IL1R2: variants seen among roughly 807,000 people sequenced by gnomAD.
The protein encoded by IL1R2 is interleukin-1 receptor type 2.
Under a neutral mutation model 39.5 loss-of-function variants are expected in IL1R2, and 46 were observed. That is an observed-to-expected ratio of 1.16 (90% CI 0.92 to 1.49). The LOEUF (loss-of-function observed/expected upper bound fraction) is 1.49, where lower values mean the gene tolerates loss of function less well. Ranked by LOEUF, IL1R2 falls within the 40% of genes most tolerant of loss-of-function variation. The pLI is 0.00. For missense variants in IL1R2, 537 were observed against 502.0 expected, an observed-to-expected ratio of 1.07 and a Z score of -0.67; for synonymous variants, 207 against 189.6, an observed-to-expected ratio of 1.09 and a Z score of -0.75.
At chr2:101,994,572 CTAA>C (rs1675499218) in intron 1 of IL1R2, among the ~76,000 whole-genome samples, 1 of 152,172 alleles carries the variant, frequency 6.6e-6, no homozygotes, top group Admixed American at 6.5e-5. Flanking sequence ...ATCTGCATTT[CTAA>C]TAAGTGTCCA....
Position 102,009,631 on chromosome 2 carries a change from T to C in IL1R2, c.137T>C (p.Val46Ala), listed in dbSNP as rs772776365. 11 of 1,614,054 alleles carry C rather than the reference T, an allele frequency of 6.8e-6. No homozygotes were observed. Among genetic ancestry groups the C allele is most frequent in the African/African-American group, 2.7e-5 (2 of 74,912 alleles). The change falls in exon 3 of 9, where the codon GTA becomes GCA. Residue 46 changes from valine to alanine, a missense_variant. Coordinates refer to ENST00000332549, the MANE Select transcript of IL1R2 (RefSeq NM_004633.4). ...KREFRLEGEP[V>A]ALRCPQVPYW... ...GAGTTCAGGCTGGAAGGGGAGCCTG[T>C]AGCCCTGAGGTGCCCCCAGGTGCCC...
intron 6 of IL1R2, among the ~76,000 whole-genome samples, chr2:102,022,834 G>C (rs973108611): frequency 8.5e-5 from 13 of 152,242 alleles, no homozygotes; most frequent in African/African-American, 3.1e-4. Context: ...GTACGTAAGT[G>C]TACTGTACTA....
At position 102,009,682 on chromosome 2, in the gene IL1R2, C is replaced by T; in HGVS notation, c.188C>T (p.Pro63Leu). ...VPYWLWASVS[P>L]RINLTWHKND... ...TACTGGTTGTGGGCCTCTGTCAGCC[C>T]CCGCATCAACCTGACATGGCATAAA... The change falls in exon 3 of 9, where the codon CCC becomes CTC. Residue 63 changes from proline (P) to leucine (L), a missense_variant. By Grantham distance (98) the Pro-to-Leu change is moderately conservative (BLOSUM62 -3). Coordinates refer to ENST00000332549, the MANE Select transcript of IL1R2 (RefSeq NM_004633.4). 1 of 1,614,148 alleles carries T rather than the reference C, an allele frequency of 6.2e-7. No homozygotes were observed. Among genetic ancestry groups the T allele is most frequent in the Non-Finnish European group, 8.5e-7 (1 of 1,180,014 alleles).
intron 4 of IL1R2, among the ~76,000 whole-genome samples, chr2:102,017,691 A>T (rs865918798): frequency 6.6e-6 from 1 of 152,212 alleles, no homozygotes; most frequent in East Asian, 1.9e-4. Context: ...ATGATGTGAA[A>T]ATCACATAAA....
At chr2:102,020,142 T>C (rs1467597827) in intron 5 of IL1R2, among the ~76,000 whole-genome samples, 1 of 152,216 alleles carries the variant, frequency 6.6e-6, no homozygotes, top group Non-Finnish European at 1.5e-5. Context: ...TTTGCACCTA[T>C]AGGGCTAGAG....
At chr2:102,013,539 A>AT (rs1559421312) in intron 3 of IL1R2, among the ~76,000 whole-genome samples, 1 of 143,606 alleles carries the variant, frequency 7.0e-6, no homozygotes, top group Non-Finnish European at 1.5e-5. Context: ...AAAAAAAAAA[A>AT]AAAAAAAAAA....
At chr2:102,003,810 G>A (rs1472276404) in intron 1 of IL1R2, among the ~76,000 whole-genome samples, 3 of 115,618 alleles carry the variant, frequency 2.6e-5, no homozygotes, top group African/African-American at 3.8e-5. Context: ...CTGTGGCTGT[G>A]CTGTGTCTGT....
At chr2:102,024,413 A>G (rs1677597617) in intron 6 of IL1R2, 120 bp from the exon 7 acceptor site, 3 of 713,468 alleles carry the variant, frequency 4.2e-6, no homozygotes, top group Non-Finnish European at 7.6e-6. Flanking sequence ...TTTTCTACCA[A>G]GGAAAGAATT....
rs151307899 is a variant in IL1R2 at position 102,026,208 on chromosome 2, C to T, written c.985C>T (p.His329Tyr). 1.0e-3 allele frequency: 1,617 copies of T among 1,613,148 alleles called. 18 individuals carry two copies. The African/African-American group carries it at 0.018, about 18-fold the overall frequency. ...DLHMDFKCVV[H>Y]NTLSFQTLRT... Reference sequence around the variant, plus strand: ...GCACATGGATTTTAAATGTGTTGTCCATAATACCCTGAGTTTTCAGACACT... The same window carrying T: ...GCACATGGATTTTAAATGTGTTGTCTATAATACCCTGAGTTTTCAGACACT... The change falls in exon 8 of 9, where the codon CAT (histidine) becomes TAT (tyrosine). Residue 329 changes from histidine (H) to tyrosine (Y), a missense_variant. Coordinates refer to ENST00000332549, the MANE Select transcript of IL1R2 (RefSeq NM_004633.4).
intron 1 of IL1R2, among the ~76,000 whole-genome samples, chr2:102,004,086 G>A (rs1203454258): frequency 6.6e-6 from 1 of 151,870 alleles, no homozygotes; most frequent in East Asian, 1.9e-4. Context: ...AAGAGGGAGA[G>A]TGAGAATAAA....
intron 3 of IL1R2, among the ~76,000 whole-genome samples, chr2:102,015,134 G>T (rs962101864): frequency 6.6e-6 from 1 of 152,074 alleles, no homozygotes; most frequent in Non-Finnish European, 1.5e-5. Flanking sequence ...TCCTTTTTAC[G>T]GAAACAATGG....
rs1299836017 is a variant in IL1R2 at position 102,022,231 on chromosome 2, A to G, written c.733A>G (p.Thr245Ala). Residue 245 changes from threonine to alanine, a missense_variant, in exon 6 of 9, where the codon ACC (threonine) becomes GCC (alanine). Thr to Ala is a moderately conservative substitution (Grantham distance 58). Coordinates refer to ENST00000332549, the MANE Select transcript of IL1R2 (RefSeq NM_004633.4). Reference protein sequence around the residue: ...TIPVIISPLKTISASLGSRLT... With the variant: ...TIPVIISPLKAISASLGSRLT... ...TCCTGTGATCATTTCCCCCCTCAAG[A>G]CCATATCAGCTTCTCTGGGTAAGGC... 11 of 1,613,598 alleles carry G rather than the reference A, an allele frequency of 6.8e-6. No homozygotes were observed. The African/African-American group carries it at 1.1e-4, about 16-fold the overall frequency.
At chr2:102,020,999 G>T (rs1228192834) in intron 5 of IL1R2, among the ~76,000 whole-genome samples, 1 of 152,160 alleles carries the variant, frequency 6.6e-6, no homozygotes, top group African/African-American at 2.4e-5. Flanking sequence ...TGATGCTGGG[G>T]ACCCTCAAGT....
intron 8 of IL1R2, 145 bp downstream of exon 8, chr2:102,026,398 C>A: frequency 1.5e-6 from 1 of 668,280 alleles, no homozygotes; most frequent in Non-Finnish European, 2.4e-6. Context: ...AAGAAACCTC[C>A]CATTTTTAAA....
chr2:102,021,163 T>G (rs1053385711), intron 5 of IL1R2, among the ~76,000 whole-genome samples: 2 of 152,108 alleles, frequency 1.3e-5, no homozygotes, highest in Admixed American at 1.3e-4. Context: ...CTGTCTAATG[T>G]GTACTCATGT....
chr2:102,022,313 G>A lies in IL1R2; in HGVS notation c.751+64G>A, dbSNP rs1296981811. 12 of 1,398,728 alleles carry A rather than the reference G, an allele frequency of 8.6e-6. No homozygotes were observed. The African/African-American group carries it at 9.9e-5, about 12-fold the overall frequency. The allele number at this position is 1,398,728 out of a possible 1,614,324, so 86.6% of individuals were successfully genotyped here. A position where few individuals can be genotyped will look rare whatever the true frequency, so the allele number is the denominator to read the frequency against. On this transcript the variant is annotated intron_variant, in intron 6 of 8. Coordinates refer to ENST00000332549, the MANE Select transcript of IL1R2 (RefSeq NM_004633.4). ...GGGGTGCCTGGTATCCCAATGCAGGGGGCTTGGGACCCTTGCGTCTGCTGA... is the reference window on the plus strand; with the variant it reads ...GGGGTGCCTGGTATCCCAATGCAGGAGGCTTGGGACCCTTGCGTCTGCTGA...
chr2:102,026,195 T>G lies in IL1R2; in HGVS notation c.972T>G (p.Phe324Leu). 1 of 1,613,310 alleles carries G rather than the reference T, an allele frequency of 6.2e-7. No homozygotes were observed. Among genetic ancestry groups the G allele is most frequent in the Non-Finnish European group, 8.5e-7 (1 of 1,179,272 alleles). ...PVTREDLHMDFKCVVHNTLSF... is the reference protein window; with the variant it reads ...PVTREDLHMDLKCVVHNTLSF... Reference sequence around the variant, plus strand: ...CAAGAGAGGATTTGCACATGGATTTTAAATGTGTTGTCCATAATACCCTGA... The same window carrying G: ...CAAGAGAGGATTTGCACATGGATTTGAAATGTGTTGTCCATAATACCCTGA... The change falls in exon 8 of 9, where the codon TTT becomes TTG. Residue 324 changes from phenylalanine (F) to leucine (L), a missense_variant. Phe to Leu is a conservative substitution (Grantham distance 22, BLOSUM62 0). Coordinates refer to ENST00000332549, the MANE Select transcript of IL1R2 (RefSeq NM_004633.4).
At chr2:102,005,103 G>C (rs187791124) in intron 1 of IL1R2, among the ~76,000 whole-genome samples, 1 of 152,330 alleles carries the variant, frequency 6.6e-6, no homozygotes, top group Admixed American at 6.5e-5. Flanking sequence ...CAGCTCCATA[G>C]CTCTGTGAAG....
Position 102,008,051 on chromosome 2 carries a change from G to C in IL1R2, c.-61-464G>C, listed in dbSNP as rs1676372833. Among the ~76,000 whole-genome samples the C allele has an allele frequency of 1.3e-5, 2 of 152,298 alleles. 1 individual carries two copies. Among genetic ancestry groups the C allele is most frequent in the East Asian group, 3.9e-4 (2 of 5,178 alleles). On this transcript the variant is annotated intron_variant, in intron 1 of 8. Transcript: ENST00000332549. ...CCTGAATTCTGGAGAGGGGAGACAAGGCTGATGATGAATGCCACAGAGAAT... is the reference window on the plus strand; with the variant it reads ...CCTGAATTCTGGAGAGGGGAGACAACGCTGATGATGAATGCCACAGAGAAT...
Sources: gnomAD v4.1 joint callset for allele counts (sites outside exome capture counted in the v4.1 genomes callset) on GRCh38, gnomAD v4.1.1 for gene constraint, MANE v1.5 for transcripts, NCBI Gene and HGNC (gene_info 2026-07-23, HGNC 2026-07-21) for gene names.